KCNJ3: variants seen among roughly 807,000 people sequenced by gnomAD.
KCNJ3 encodes the protein G protein-activated inward rectifier potassium channel 1.
A neutral mutation model predicts 39.2 loss-of-function variants in KCNJ3; 4 were observed. That is an observed-to-expected ratio of 0.10 (90% CI 0.05 to 0.23). The LOEUF (loss-of-function observed/expected upper bound fraction) is 0.23, where lower values mean the gene tolerates loss of function less well. KCNJ3 is among the 10% of genes least tolerant of loss of function. The pLI is 1.00. For synonymous variants in KCNJ3, 230 were observed against 237.4 expected (o/e 0.97, Z 0.29); for missense variants, 276 against 634.9 (o/e 0.43, Z 6.08).
intron 2 of KCNJ3, among the ~76,000 whole-genome samples, chr2:154,742,922 T>A (rs562497386): frequency 6.6e-6 from 1 of 151,988 alleles, no homozygotes; most frequent in South Asian, 2.1e-4. Flanking sequence ...ACCTTTTGTA[T>A]CATAGCCAAA....
At chr2:154,738,527 C>T (rs11886798) in intron 2 of KCNJ3, among the ~76,000 whole-genome samples, 3,508 of 151,654 alleles carry the variant, frequency 0.023, 117 homozygotes, top group East Asian at 0.15. Flanking sequence ...TCTCATGTAC[C>T]CCATAAATAT....
intron 2 of KCNJ3, among the ~76,000 whole-genome samples, chr2:154,753,693 A>C (rs2591164): frequency 0.8 from 122,175 of 151,988 alleles, 49,793 homozygotes; most frequent in East Asian, 0.89. Flanking sequence ...CTAGAAGGTA[A>C]TGCAGGTGTT....
At chr2:154,728,163 G>A (rs1685391326) in intron 2 of KCNJ3, among the ~76,000 whole-genome samples, 1 of 151,280 alleles carries the variant, frequency 6.6e-6, no homozygotes, top group Admixed American at 6.6e-5. Context: ...ATATCATATT[G>A]CATATGTATT....
intron 2 of KCNJ3, among the ~76,000 whole-genome samples, chr2:154,723,199 T>C (rs944601982): frequency 3.3e-5 from 5 of 152,084 alleles, no homozygotes; most frequent in African/African-American, 1.2e-4. Context: ...ATGAGAGCAT[T>C]GCTTGAGTCT....
chr2:154,777,042 G>GCACACA lies in KCNJ3; in HGVS notation c.919+67237_919+67242dup, dbSNP rs34640641. Reference sequence around the variant, plus strand: ...CCAACCAGTTTTCACACGTACACACGCACACACACACACACACACTCATTA... The same window carrying GCACACA: ...CCAACCAGTTTTCACACGTACACACGCACACACACACACACACACACACACTCATTA... On this transcript the variant is annotated intron_variant, in intron 2 of 2. Transcript: ENST00000295101. Among the ~76,000 whole-genome samples the GCACACA allele has an allele frequency of 5.8e-3, 864 of 150,200 alleles. 4 individuals are homozygous for GCACACA. The highest frequency in any genetic ancestry group is 8.3e-3 in the Non-Finnish European group (560 of 67,390).
At chr2:154,745,679 A>C (rs1685728349) in intron 2 of KCNJ3, among the ~76,000 whole-genome samples, 1 of 151,946 alleles carries the variant, frequency 6.6e-6, no homozygotes, top group Non-Finnish European at 1.5e-5. Flanking sequence ...TGGCATCTTC[A>C]TTTGGCCATC....
At chr2:154,804,916 T>C (rs1177039932) in intron 2 of KCNJ3, among the ~76,000 whole-genome samples, 1 of 152,168 alleles carries the variant, frequency 6.6e-6, no homozygotes, top group Non-Finnish European at 1.5e-5. Context: ...GAGTTGTTTA[T>C]ATTAAAATGT....
intron 2 of KCNJ3, among the ~76,000 whole-genome samples, chr2:154,758,284 C>T (rs572862400): frequency 4.6e-5 from 7 of 151,994 alleles, no homozygotes; most frequent in Non-Finnish European, 8.8e-5. Context: ...AGAAGTGGTA[C>T]ATTAAATGCA....
intron 2 of KCNJ3, among the ~76,000 whole-genome samples, chr2:154,767,389 A>G (rs191036568): frequency 5.9e-5 from 9 of 151,856 alleles, no homozygotes; most frequent in Admixed American, 1.3e-4. Context: ...CCTGTGTCCA[A>G]GTGTTCTCAT....
At chr2:154,736,367 C>T (rs370301468) in intron 2 of KCNJ3, among the ~76,000 whole-genome samples, 1 of 90,386 alleles carries the variant, frequency 1.1e-5, no homozygotes, top group African/African-American at 4.3e-5. Flanking sequence ...ACAGGAGTCA[C>T]TAGTTCTAAA....
intron 2 of KCNJ3, among the ~76,000 whole-genome samples, chr2:154,759,261 G>C (rs185744439): frequency 1.3e-5 from 2 of 152,154 alleles, no homozygotes; most frequent in Admixed American, 1.3e-4. Flanking sequence ...GTGTGTAGTT[G>C]AACTAATACT....
chr2:154,784,799 TTTAGTTAATTAAC>T (rs1686499067), intron 2 of KCNJ3, among the ~76,000 whole-genome samples: 1 of 152,214 alleles, frequency 6.6e-6, no homozygotes, highest in South Asian at 2.1e-4. Flanking sequence ...GCTCTGCAAA[TTTAGTTAATTAAC>T]TAAGTTAATT....
At chr2:154,753,979 T>C (rs1279701209) in intron 2 of KCNJ3, among the ~76,000 whole-genome samples, 1 of 152,316 alleles carries the variant, frequency 6.6e-6, no homozygotes, top group East Asian at 1.9e-4. Flanking sequence ...AAAATTAGCA[T>C]TGACTCCATA....
intron 2 of KCNJ3, among the ~76,000 whole-genome samples, chr2:154,788,915 G>C (rs1172925530): frequency 1.3e-5 from 2 of 152,160 alleles, no homozygotes; most frequent in South Asian, 4.1e-4. Flanking sequence ...ATTTGCCTCA[G>C]TGTGACTATG....
chr2:154,757,865 C>T (rs1021526963), intron 2 of KCNJ3, among the ~76,000 whole-genome samples: 1 of 152,068 alleles, frequency 6.6e-6, no homozygotes, highest in African/African-American at 2.4e-5. Context: ...GTACTAATCC[C>T]ATTCATGAGG....
intron 2 of KCNJ3, among the ~76,000 whole-genome samples, chr2:154,758,529 T>C (rs1300750975): frequency 6.6e-6 from 1 of 152,218 alleles, no homozygotes; most frequent in Non-Finnish European, 1.5e-5. Context: ...ATATCTGCTA[T>C]ACTATATTGT....
chr2:154,797,955 C>T (rs990743097), intron 2 of KCNJ3, among the ~76,000 whole-genome samples: 11 of 152,072 alleles, frequency 7.2e-5, no homozygotes, highest in African/African-American at 2.7e-4. Flanking sequence ...ATTCATTTTT[C>T]ATAATTGAAA....
chr2:154,808,574 C>T (rs1434462054), intron 2 of KCNJ3, among the ~76,000 whole-genome samples: 1 of 152,116 alleles, frequency 6.6e-6, no homozygotes, highest in Non-Finnish European at 1.5e-5. Flanking sequence ...CCTTAGACCA[C>T]CTTTGGTCCA....
In KCNJ3 at chr2:154,857,310, C is replaced by A. The variant is rs1687855309; in HGVS notation, c.*1997C>A. ...GATCATTTAGTCCAAGAACTTAAAA[C>A]TAAATAGAGCCATAATTTACTTTGG... On this transcript the variant is annotated 3_prime_UTR_variant, in exon 3 of 3. Coordinates refer to ENST00000295101, the MANE Select transcript of KCNJ3 (RefSeq NM_002239.4). 6.6e-6 allele frequency: 1 copy of A among 152,088 alleles called. No homozygotes were observed. The highest frequency in any genetic ancestry group is 6.5e-5 in the Admixed American group (1 of 15,270). 9.4% of individuals were successfully genotyped at this position (152,088 alleles called of 1,614,324 possible).
Sources: gnomAD v4.1 joint callset for allele counts (sites outside exome capture counted in the v4.1 genomes callset) on GRCh38, gnomAD v4.1.1 for gene constraint, MANE v1.5 for transcripts, NCBI Gene and HGNC (gene_info 2026-07-23, HGNC 2026-07-21) for gene names.